SLC16A2: variants seen among roughly 807,000 people sequenced by gnomAD.
The protein encoded by SLC16A2 is monocarboxylate transporter 8.
SLC16A2 carries 3 observed loss-of-function variants against 27.2 expected under a neutral mutation model. The observed-to-expected ratio is 0.11, with a 90% confidence interval of 0.05 to 0.28. SLC16A2 has a LOEUF of 0.28. Among genes scored for constraint, SLC16A2 ranks in the 10% least tolerant of loss-of-function variants. The pLI, the probability that SLC16A2 is intolerant of heterozygous loss-of-function variation, is 1.00. For missense variants in SLC16A2, 295 were observed against 458.5 expected (o/e 0.64, Z 3.26); for synonymous variants, 202 against 187.8 (o/e 1.08, Z -0.62).
Position 74,529,264 on chromosome X carries a change from C to T in SLC16A2, c.1222C>T (p.Arg408Trp), listed in dbSNP as rs760971939. The T allele has an allele frequency of 3.5e-5, 42 of 1,210,428 alleles. No individual in the cohort carries two copies. The highest frequency in any genetic ancestry group is 2.7e-4 in the East Asian group (9 of 33,793). ...GLMSMMIPLC[R>W]DFGGLIVVCL... is the part of the protein sequence containing the mutation. Reference sequence around the variant, plus strand: ...GATGTCCATGATGATTCCCCTGTGCCGGGACTTCGGGGGCCTTATCGTCGT... The same window carrying T: ...GATGTCCATGATGATTCCCCTGTGCTGGGACTTCGGGGGCCTTATCGTCGT... Residue 408 changes from arginine (R) to tryptophan (W), a missense_variant, in exon 5 of 6, where the codon CGG (arginine) becomes TGG (tryptophan). By Grantham distance (101) the Arg-to-Trp change is moderately radical. Around this residue, in one of 3 missense-constraint regions of SLC16A2, gnomAD observed 144 missense variants for 219.8 expected, o/e 0.66. Transcript: ENST00000587091.
Position 74,531,330 on chromosome X carries a change from C to T in SLC16A2, c.1400-3C>T, listed in dbSNP as rs1427744484. On this transcript the variant is annotated splice_polypyrimidine_tract_variant and splice_region_variant and intron_variant, in intron 5 of 5. Coordinates refer to ENST00000587091, the MANE Select transcript of SLC16A2 (RefSeq NM_006517.5). ...CTTGACTTGTCTCTCTTGACTGTTT[C>T]AGGCCTACTCCGCAACTGTTTTGGG... is the stretch of plus-strand genomic sequence containing the variant. 1 of 1,206,729 alleles carries T rather than the reference C, an allele frequency of 8.3e-7. No homozygotes were observed. Among genetic ancestry groups the T allele is most frequent in the African/African-American group, 1.7e-5 (1 of 57,262 alleles).
intron 1 of SLC16A2, among the ~76,000 whole-genome samples, chrX:74,453,700 G>A (rs1354321411): frequency 9.1e-6 from 1 of 110,210 alleles, no homozygotes; most frequent in African/African-American, 3.3e-5. Flanking sequence ...TTCTGACCTG[G>A]GCATGTTCAC....
At chrX:74,445,697 C>T (rs1928827040) in intron 1 of SLC16A2, among the ~76,000 whole-genome samples, 1 of 105,425 alleles carries the variant, frequency 9.5e-6, no homozygotes, top group African/African-American at 3.5e-5. Flanking sequence ...ATTCTAGCAC[C>T]TAACACAATG....
intron 1 of SLC16A2, among the ~76,000 whole-genome samples, chrX:74,518,464 G>A (rs1930351859): frequency 9.1e-6 from 1 of 110,109 alleles, no homozygotes; most frequent in African/African-American, 3.3e-5. Flanking sequence ...GGTGGCGTGC[G>A]CCTGTAATCC....
rs1930478872 is a variant in SLC16A2, at chrX:74,525,790, C to T, written c.1067C>T (p.Thr356Ile). Reference sequence around the variant, plus strand: ...GAGGAGTTCTCAGAAATCAAGGAGACCTGGGTGCTCTTGGTGTGTATTGGG... The same window carrying T: ...GAGGAGTTCTCAGAAATCAAGGAGATCTGGGTGCTCTTGGTGTGTATTGGG... ...VEEEFSEIKE[T>I]WVLLVCIGAT... Residue 356 changes from threonine (T) to isoleucine (I), a missense_variant, in exon 4 of 6, where the codon ACC (threonine) becomes ATC (isoleucine). Thr to Ile is a moderately conservative substitution (Grantham distance 89). Transcript: ENST00000587091. 2.5e-6 allele frequency: 3 copies of T among 1,209,464 alleles called. No individual in the cohort carries two copies. Among genetic ancestry groups the T allele is most frequent in the East Asian group, 5.9e-5 (2 of 33,745 alleles).
intron 1 of SLC16A2, among the ~76,000 whole-genome samples, chrX:74,441,532 C>T (rs1198724833): frequency 4.5e-5 from 5 of 111,969 alleles, no homozygotes; most frequent in Non-Finnish European, 9.4e-5. Flanking sequence ...GAGGGAGCTG[C>T]CTAAGAGTAA....
intron 1 of SLC16A2, among the ~76,000 whole-genome samples, chrX:74,519,953 C>T (rs898770620): frequency 8.8e-4 from 97 of 110,815 alleles, no homozygotes; most frequent in African/African-American, 3.0e-3. Flanking sequence ...CTTTTGAAGC[C>T]AGGCAGAGAG....
chrX:74,512,853 G>T (rs977821318), intron 1 of SLC16A2, among the ~76,000 whole-genome samples: 3 of 111,583 alleles, frequency 2.7e-5, no homozygotes, highest in Non-Finnish European at 5.6e-5. Flanking sequence ...GTGTTGTGCT[G>T]CCCAGGTCCA....
intron 1 of SLC16A2, among the ~76,000 whole-genome samples, chrX:74,457,437 G>A (rs1302609122): frequency 9.0e-6 from 1 of 110,704 alleles, no homozygotes. Flanking sequence ...CACCTCAGTA[G>A]GTCCCCAAAC....
At chrX:74,473,850 G>T in intron 1 of SLC16A2, 1 of 501,448 alleles carries the variant, frequency 2.0e-6, no homozygotes, top group South Asian at 2.9e-5. Flanking sequence ...TGTTTAAAAT[G>T]ACTCAACCAT....
chrX:74,530,230 A>T (rs1431413473), intron 5 of SLC16A2, among the ~76,000 whole-genome samples: 1 of 107,814 alleles, frequency 9.3e-6, no homozygotes, highest in Non-Finnish European at 1.9e-5. Flanking sequence ...TCTCCCGAGT[A>T]GCTGGGAGTA....
intron 1 of SLC16A2, among the ~76,000 whole-genome samples, chrX:74,520,261 A>G (rs1489680363): frequency 1.8e-5 from 2 of 111,582 alleles, no homozygotes; most frequent in Admixed American, 1.9e-4. Flanking sequence ...TTGGCGGAGA[A>G]AAGAGAGGCT....
intron 1 of SLC16A2, among the ~76,000 whole-genome samples, chrX:74,507,062 C>A (rs113008662): frequency 1.8e-5 from 2 of 108,441 alleles, no homozygotes; most frequent in South Asian, 4.0e-4. Flanking sequence ...CCCGCTCCCC[C>A]CCCAACCACA....
intron 1 of SLC16A2, among the ~76,000 whole-genome samples, chrX:74,486,287 A>G (rs1929720109): frequency 8.9e-6 from 1 of 112,072 alleles, no homozygotes. Flanking sequence ...CCTGTCTCTC[A>G]CTGTCAGTAA....
chrX:74,530,587 A>G (rs1930552908), intron 5 of SLC16A2, among the ~76,000 whole-genome samples: 1 of 111,957 alleles, frequency 8.9e-6, no homozygotes, highest in Non-Finnish European at 1.9e-5. Context: ...CACACTACCC[A>G]TTGGGGGAAG....
intron 1 of SLC16A2, among the ~76,000 whole-genome samples, chrX:74,436,285 C>T (rs752741041): frequency 2.8e-4 from 31 of 111,715 alleles, no homozygotes; most frequent in Non-Finnish European, 7.5e-5. Flanking sequence ...TTGTAATATG[C>T]TGAGTCAATA....
intron 1 of SLC16A2, among the ~76,000 whole-genome samples, chrX:74,425,665 T>C (rs1413425075): frequency 9.0e-6 from 1 of 110,741 alleles, no homozygotes; most frequent in Non-Finnish European, 1.9e-5. Flanking sequence ...CAGCTCAATA[T>C]TGGGACCCTA....
At chrX:74,457,766 C>T (rs1372749983) in intron 1 of SLC16A2, among the ~76,000 whole-genome samples, 1 of 110,583 alleles carries the variant, frequency 9.0e-6, no homozygotes, top group East Asian at 2.8e-4. Flanking sequence ...TCCATTCCAT[C>T]TACTTGCCAT....
rs932104396 is a variant in SLC16A2, at chrX:74,532,387, C to A, written c.*834C>A. ...AGTAGAATATCATATAGGGAAGAAACCTTAAACACCACAGTGTTCCATGTT... is the reference window on the plus strand; with the variant it reads ...AGTAGAATATCATATAGGGAAGAAAACTTAAACACCACAGTGTTCCATGTT... On this transcript the variant is annotated 3_prime_UTR_variant, in exon 6 of 6. Coordinates refer to ENST00000587091, the MANE Select transcript of SLC16A2 (RefSeq NM_006517.5). The A allele has an allele frequency of 8.9e-6, 1 of 112,175 alleles. No homozygotes were observed. Among genetic ancestry groups the A allele is most frequent in the African/African-American group, 3.3e-5 (1 of 30,706 alleles). 9.2% of individuals were successfully genotyped at this position (112,175 alleles called of 1,213,427 possible). A position where few individuals can be genotyped will look rare whatever the true frequency, so the allele number is the denominator to read the frequency against.
Sources: gnomAD v4.1 joint callset for allele counts (sites outside exome capture counted in the v4.1 genomes callset) on GRCh38, gnomAD v4.1.1 for gene constraint, gnomAD v4.1.1 regional missense constraint, MANE v1.5 for transcripts, NCBI Gene and HGNC (gene_info 2026-07-23, HGNC 2026-07-21) for gene names.